The following MPZL3 variants were observed in gnomAD, a reference collection of about 807,000 sequenced individuals.
MPZL3 encodes myelin protein zero like 3.
A neutral mutation model predicts 24.8 loss-of-function variants in MPZL3; 23 were observed. The observed-to-expected ratio is 0.93, with a 90% confidence interval of 0.67 to 1.31. MPZL3 has a LOEUF of 1.31. Ranked by LOEUF, MPZL3 falls within the 40% of genes most tolerant of loss-of-function variation. MPZL3 has a pLI of 0.00. For missense variants in MPZL3, 277 were observed against 294.9 expected (o/e 0.94, Z 0.44); for synonymous variants, 99 against 106.5 (o/e 0.93, Z 0.44).
chr11:118,240,395 A>G lies in MPZL3; in HGVS notation c.74-18T>C. 1.3e-6 allele frequency: 2 copies of G among 1,591,246 alleles called. No individual in the cohort carries two copies. Among genetic ancestry groups the G allele is most frequent in the Non-Finnish European group, 1.7e-6 (2 of 1,171,878 alleles). On this transcript the variant is annotated intron_variant, in intron 1 of 5. Transcript: ENST00000278949. ...ATAAACACCTAATCAAAGCAAACCC[A>G]AACACTTAAAATGCATTCATGTGGG... is the stretch of plus-strand genomic sequence containing the variant.
rs1949329358 is a variant in MPZL3 at position 118,229,976 on chromosome 11, A to T, written c.682-56T>A. ...ACAATTCCAGAGTTGGAATTTAGGC[A>T]AAGACCACATGTTAGGATCCTCCAA... On this transcript the variant is annotated intron_variant, in intron 5 of 5. Transcript: ENST00000278949. The T allele has an allele frequency of 1.9e-6, 3 of 1,538,582 alleles. No individual in the cohort carries two copies. In the Admixed American group the frequency reaches 5.3e-5, roughly 27 times the overall value.
chr11:118,248,780 G>A (rs1256423236), intron 1 of MPZL3, among the ~76,000 whole-genome samples: 1 of 152,000 alleles, frequency 6.6e-6, no homozygotes, highest in African/African-American at 2.4e-5. Context: ...TATTTTGGGG[G>A]AGGAAGACTT....
chr11:118,250,270 C>T (rs1158962918), intron 1 of MPZL3, among the ~76,000 whole-genome samples: 8 of 150,456 alleles, frequency 5.3e-5, no homozygotes, highest in Non-Finnish European at 1.5e-5. Context: ...AATGATCCAC[C>T]CACCTCGGCC....
chr11:118,234,715 TTAAA>T (rs1243876073), intron 4 of MPZL3, among the ~76,000 whole-genome samples: 1 of 145,996 alleles, frequency 6.8e-6, no homozygotes, highest in Non-Finnish European at 1.5e-5. Flanking sequence ...TCTCTTATCA[TTAAA>T]TAAATGCACA....
At chr11:118,234,915 A>G (rs150712311) in intron 4 of MPZL3, among the ~76,000 whole-genome samples, 1 of 152,258 alleles carries the variant, frequency 6.6e-6, no homozygotes, top group East Asian at 1.9e-4. Flanking sequence ...CTGGCAGAAT[A>G]ATGTTTAATA....
At chr11:118,243,192 G>C (rs3018368) in intron 1 of MPZL3, among the ~76,000 whole-genome samples, 118,581 of 152,076 alleles carry the variant, frequency 0.78, 46,805 homozygotes, top group African/African-American at 0.9. Context: ...CCTGGCAAAC[G>C]TTTAACTGGC....
In MPZL3 at chr11:118,249,543, TA is replaced by T. The variant is rs144136090; in HGVS notation, c.73+2678del. ...CAACTATAGAAATACTCATAATAAT[TA>T]ACAAAAACTTTTTAGTCTGGGGAAA... On this transcript the variant is annotated intron_variant, in intron 1 of 5. Coordinates refer to ENST00000278949, the MANE Select transcript of MPZL3 (RefSeq NM_198275.3). Among the ~76,000 whole-genome samples the T allele has an allele frequency of 6.0e-3, 907 of 151,888 alleles. 10 individuals carry two copies. Among genetic ancestry groups the T allele is most frequent in the African/African-American group, 0.021 (853 of 41,364 alleles).
At chr11:118,246,916 G>A (rs865952251) in intron 1 of MPZL3, among the ~76,000 whole-genome samples, 14 of 151,996 alleles carry the variant, frequency 9.2e-5, no homozygotes, top group Admixed American at 2.0e-4. Context: ...CTTTTCCCAA[G>A]GTTAAGGAAG....
At chr11:118,232,827 A>T (rs10790246) in intron 5 of MPZL3, among the ~76,000 whole-genome samples, 32,309 of 152,012 alleles carry the variant, frequency 0.21, 3,531 homozygotes, top group Middle Eastern at 0.28. Context: ...GGTATGTATC[A>T]TATGAGATCA....
At chr11:118,240,788 G>T (rs1219727243) in intron 1 of MPZL3, among the ~76,000 whole-genome samples, 3 of 129,196 alleles carry the variant, frequency 2.3e-5, no homozygotes, top group Non-Finnish European at 3.5e-5. Context: ...CACACACTCT[G>T]GGAATATGGC....
At chr11:118,251,769 A>G (rs1385089541) in intron 1 of MPZL3, among the ~76,000 whole-genome samples, 1 of 152,234 alleles carries the variant, frequency 6.6e-6, no homozygotes, top group South Asian at 2.1e-4. Flanking sequence ...AGACTACAAT[A>G]ATCACCTACA....
At position 118,229,458 on chromosome 11, in the gene MPZL3, G is replaced by A. The variant is rs548612828; in HGVS notation, c.*436C>T. 3.3e-4 allele frequency: 54 copies of A among 164,476 alleles called. No homozygotes were observed. The highest frequency in any genetic ancestry group is 1.2e-3 in the African/African-American group (48 of 41,668). The allele number at this position is 164,476 out of a possible 1,614,324, so 10.2% of individuals were successfully genotyped here. ...AAAACAAAGAATACATATCCCAAGC[G>A]AATATTTTGTCTGGTGACACATCAG... On this transcript the variant is annotated 3_prime_UTR_variant, in exon 6 of 6. Coordinates refer to ENST00000278949, the MANE Select transcript of MPZL3 (RefSeq NM_198275.3).
In MPZL3 at chr11:118,227,504, A is replaced by C. The variant is rs1949285664; in HGVS notation, c.*2390T>G. ...AAGCTGTAACCCAAATCTCAGTATA[A>C]GGGATGAAGAAGGAAAATGATAGCA... On this transcript the variant is annotated 3_prime_UTR_variant, in exon 6 of 6. Coordinates refer to ENST00000278949, the MANE Select transcript of MPZL3 (RefSeq NM_198275.3). The C allele has an allele frequency of 6.6e-6, 1 of 152,224 alleles. No homozygotes were observed. The highest frequency in any genetic ancestry group is 1.5e-5 in the Non-Finnish European group (1 of 68,046). 9.4% of individuals were successfully genotyped at this position (152,224 alleles called of 1,614,324 possible).
intron 1 of MPZL3, among the ~76,000 whole-genome samples, chr11:118,248,070 C>CTTTTTTTT (rs60335848): frequency 8.1e-5 from 8 of 99,010 alleles, no homozygotes; most frequent in South Asian, 4.3e-4. Flanking sequence ...ACAGTTTCCT[C>CTTTTTTTT]TTTTTTTTTT....
At chr11:118,231,144 T>C (rs185274041) in intron 5 of MPZL3, among the ~76,000 whole-genome samples, 40 of 152,280 alleles carry the variant, frequency 2.6e-4, no homozygotes, top group African/African-American at 8.2e-4. Flanking sequence ...TTCCCACTAT[T>C]CCACTGAAGA....
Position 118,252,326 on chromosome 11 carries a change from GTTTACAGCTCCCGGTAAC to G in MPZL3, c.-50_-33del. ...AGCTCTTCAGATGCTTGCACACCTT[GTTTACAGCTCCCGGTAAC>G]GACACAGGTAACACCGGAAGTGACG... On this transcript the variant is annotated 5_prime_UTR_variant, in exon 1 of 6. Transcript: ENST00000278949. The G allele has an allele frequency of 6.2e-7, 1 of 1,606,572 alleles. No individual in the cohort carries two copies. Among genetic ancestry groups the G allele is most frequent in the Non-Finnish European group, 8.5e-7 (1 of 1,173,978 alleles).
chr11:118,237,584 G>C (rs1949443147), intron 2 of MPZL3, among the ~76,000 whole-genome samples: 1 of 151,988 alleles, frequency 6.6e-6, no homozygotes, highest in Non-Finnish European at 1.5e-5. Flanking sequence ...GTCACAACTG[G>C]GGAGATGCTA....
chr11:118,247,328 A>G (rs1949567551), intron 1 of MPZL3, among the ~76,000 whole-genome samples: 1 of 152,208 alleles, frequency 6.6e-6, no homozygotes, highest in Non-Finnish European at 1.5e-5. Flanking sequence ...TAAACCAATC[A>G]TTACATCTAG....
rs759222922 is a variant in MPZL3, at chr11:118,235,474, C to A, written c.567G>T (p.Lys189Asn). The change falls in exon 4 of 6, where the codon AAG becomes AAT. Residue 189 changes from lysine to asparagine, a missense_variant. Coordinates refer to ENST00000278949, the MANE Select transcript of MPZL3 (RefSeq NM_198275.3). ...VRMGRKAAGLKKRSRSGYKKS... is the reference protein window; with the variant it reads ...VRMGRKAAGLNKRSRSGYKKS... Reference sequence around the variant, plus strand: ...TCTTATAGCCAGACCTGCTCCTCTTCTTCAGCCCAGCAGCCTTCCTCCCCA... The same window carrying A: ...TCTTATAGCCAGACCTGCTCCTCTTATTCAGCCCAGCAGCCTTCCTCCCCA... 3 of 1,614,038 alleles carry A rather than the reference C, an allele frequency of 1.9e-6. No homozygotes were observed. The highest frequency in any genetic ancestry group is 2.5e-6 in the Non-Finnish European group (3 of 1,179,944).
Sources: allele counts gnomAD v4.1 joint callset (sites outside exome capture counted in the v4.1 genomes callset), GRCh38; gene constraint gnomAD v4.1.1; transcripts MANE v1.5; gene names NCBI Gene and HGNC (gene_info 2026-07-23, HGNC 2026-07-21).